Variants in SNX29 observed in about 807,000 individuals in gnomAD.
SNX29 encodes sorting nexin 29.
SNX29 carries 78 observed loss-of-function variants against 102.1 expected under a neutral mutation model. That is an observed-to-expected ratio of 0.76 (90% CI 0.64 to 0.92). The LOEUF is 0.92. Ranked by LOEUF, SNX29 falls within the 40% of genes least tolerant of loss-of-function variation. The pLI is 0.00. For synonymous variants in SNX29, 580 were observed against 414.5 expected (o/e 1.40, Z -4.85); for missense variants, 1,280 against 1,061.7 (o/e 1.21, Z -2.86).
At chr16:12,276,225 A>G (rs1017233373) in intron 14 of SNX29, among the ~76,000 whole-genome samples, 2 of 152,008 alleles carry the variant, frequency 1.3e-5, no homozygotes, top group African/African-American at 2.4e-5. Flanking sequence ...TTTTGAGAGG[A>G]TGTGAGTGTA....
In SNX29 at chr16:12,572,088, G is replaced by A. The variant is rs2079200019; in HGVS notation, c.*3459G>A. The A allele has an allele frequency of 1.9e-6, 2 of 1,063,022 alleles. No homozygotes were observed. The highest frequency in any genetic ancestry group is 1.6e-5 in the African/African-American group (1 of 60,948). 65.8% of individuals were successfully genotyped at this position (1,063,022 alleles called of 1,614,324 possible). A position where few individuals can be genotyped will look rare whatever the true frequency, so the allele number is the denominator to read the frequency against. ...TTGCAAGATCTAGGAAGAGGAAGGG[G>A]AGGGATGTGGACTGGGTCTGATCAC... On this transcript the variant is annotated 3_prime_UTR_variant, in exon 21 of 21. Coordinates refer to ENST00000566228, the MANE Select transcript of SNX29 (RefSeq NM_032167.5).
intron 1 of SNX29, among the ~76,000 whole-genome samples, chr16:11,988,421 A>G (rs2055717536): frequency 6.6e-6 from 1 of 152,054 alleles, no homozygotes. Context: ...TTTTTGAGAT[A>G]GGATTTTGCT....
intron 15 of SNX29, among the ~76,000 whole-genome samples, chr16:12,330,233 A>G (rs2081255048): frequency 6.6e-6 from 1 of 152,122 alleles, no homozygotes; most frequent in African/African-American, 2.4e-5. Flanking sequence ...TGAGTAAACG[A>G]CTTAACCTCT....
At chr16:12,328,161 C>T (rs1000467430) in intron 15 of SNX29, among the ~76,000 whole-genome samples, 1 of 152,182 alleles carries the variant, frequency 6.6e-6, no homozygotes, top group African/African-American at 2.4e-5. Context: ...GCACGTTTGG[C>T]ACAGTGCCTC....
chr16:11,995,725 G>A (rs1021492256), intron 1 of SNX29, among the ~76,000 whole-genome samples: 2 of 151,786 alleles, frequency 1.3e-5, no homozygotes, highest in African/African-American at 4.8e-5. Flanking sequence ...TTATTCAGGT[G>A]TGAAAGGAGC....
intron 14 of SNX29, among the ~76,000 whole-genome samples, chr16:12,211,511 A>T (rs1335357976): frequency 6.6e-6 from 1 of 152,164 alleles, no homozygotes; most frequent in Non-Finnish European, 1.5e-5. Flanking sequence ...GATGTGCTGA[A>T]GCTCACTGTA....
intron 13 of SNX29, among the ~76,000 whole-genome samples, chr16:12,191,770 AT>A (rs35626109): frequency 0.65 from 99,341 of 152,000 alleles, 34,001 homozygotes; most frequent in Non-Finnish European, 0.75. Context: ...AAGATTTAGG[AT>A]GTGGCTGCAA....
At chr16:12,465,434 T>C (rs576633330) in intron 18 of SNX29, among the ~76,000 whole-genome samples, 14 of 152,308 alleles carry the variant, frequency 9.2e-5, no homozygotes, top group African/African-American at 3.4e-4. Context: ...AAGGTAGATA[T>C]TCCGTTTGCC....
intron 18 of SNX29, among the ~76,000 whole-genome samples, chr16:12,447,392 A>G (rs2151699706): frequency 6.6e-6 from 1 of 152,208 alleles, no homozygotes; most frequent in South Asian, 2.1e-4. Context: ...TCAAAACTAA[A>G]AACTATCCTG....
intron 15 of SNX29, among the ~76,000 whole-genome samples, chr16:12,316,146 G>A (rs988476214): frequency 6.6e-6 from 1 of 152,228 alleles, no homozygotes; most frequent in African/African-American, 2.4e-5. Flanking sequence ...CAGCAAAGGT[G>A]AAGGCCAGAA....
chr16:12,067,510 C>T (rs1351127284), intron 9 of SNX29, among the ~76,000 whole-genome samples: 14 of 152,170 alleles, frequency 9.2e-5, no homozygotes, highest in Admixed American at 7.2e-4. Flanking sequence ...CTTTTTGAGA[C>T]GGAGTCTCAC....
intron 18 of SNX29, among the ~76,000 whole-genome samples, chr16:12,407,937 A>G (rs2151531311): frequency 6.6e-6 from 1 of 152,270 alleles, no homozygotes; most frequent in South Asian, 2.1e-4. Flanking sequence ...CTACGATTGC[A>G]TCTGTGAATA....
chr16:12,548,201 C>T (rs2077730706), intron 20 of SNX29, among the ~76,000 whole-genome samples: 1 of 152,212 alleles, frequency 6.6e-6, no homozygotes, highest in South Asian at 2.1e-4. Flanking sequence ...CAGCGCCTCC[C>T]ACAAGGCCAC....
chr16:12,559,275 A>G (rs1479243677), intron 20 of SNX29, among the ~76,000 whole-genome samples: 3 of 152,094 alleles, frequency 2.0e-5, no homozygotes, highest in Non-Finnish European at 4.4e-5. Context: ...TCAGATCAGC[A>G]GCAGCACTGC....
intron 14 of SNX29, among the ~76,000 whole-genome samples, chr16:12,232,167 C>T (rs536067966): frequency 1.3e-5 from 2 of 152,280 alleles, no homozygotes; most frequent in South Asian, 2.1e-4. Flanking sequence ...TTTGAGGATA[C>T]TTTAAAGGGC....
intron 16 of SNX29, among the ~76,000 whole-genome samples, chr16:12,361,040 G>A (rs2082285628): frequency 1.3e-5 from 2 of 152,236 alleles, no homozygotes; most frequent in Non-Finnish European, 2.9e-5. Flanking sequence ...CACCAGCCAA[G>A]GTTCCAGCAT....
intron 19 of SNX29, 122 bp from the exon 20 acceptor site, chr16:12,524,580 A>G: frequency 1.8e-6 from 2 of 1,113,754 alleles, no homozygotes; most frequent in Admixed American, 3.0e-5. Flanking sequence ...TTCATACGAG[A>G]TAGTTGCTCA....
At chr16:12,535,814 G>A (rs1282939610) in intron 20 of SNX29, among the ~76,000 whole-genome samples, 1 of 152,120 alleles carries the variant, frequency 6.6e-6, no homozygotes, top group Non-Finnish European at 1.5e-5. Flanking sequence ...TGTAAGCCTT[G>A]CCGCCACTTT....
intron 15 of SNX29, among the ~76,000 whole-genome samples, chr16:12,289,727 T>C (rs1431526560): frequency 1.3e-5 from 2 of 152,156 alleles, no homozygotes; most frequent in African/African-American, 4.8e-5. Flanking sequence ...AGTGGCTGGT[T>C]TTCAGCTTTT....
Sources: allele counts gnomAD v4.1 joint callset (sites outside exome capture counted in the v4.1 genomes callset), GRCh38; gene constraint gnomAD v4.1.1; transcripts MANE v1.5; gene names NCBI Gene and HGNC (gene_info 2026-07-23, HGNC 2026-07-21).